ZNF860: variants seen among roughly 807,000 people sequenced by gnomAD.
The protein encoded by ZNF860 is zinc finger protein 860.
For synonymous variants in ZNF860, 206 were observed against 248.9 expected, an observed-to-expected ratio of 0.83 and a Z score of 1.62; for missense variants, 641 against 759.2, an observed-to-expected ratio of 0.84 and a Z score of 1.83.
the ZNF860 span, among the ~76,000 whole-genome samples, chr3:32,003,786 G>C: frequency 2.0e-5 from 3 of 152,146 alleles, no homozygotes; most frequent in Middle Eastern, 3.2e-3. Flanking sequence ...ACCTCTCTCT[G>C]AGAGCTGCCA....
rs182953156 is a variant in ZNF860, at chr3:31,989,188, G to C, written c.109G>C (p.Glu37Gln). Residue 37 changes from glutamate to glutamine, a missense_variant, in exon 2 of 2, where the codon GAG becomes CAG. Transcript: ENST00000360311. ...RDVAIEFSLE[E>Q]WKCLDPTQRA... The stretch of plus-strand genomic sequence containing the variant: ...TGTGGCTATAGAATTCTCTTTGGAG[G>C]AGTGGAAATGCCTGGACCCTACGCA... The C allele has an allele frequency of 7.4e-4, 1,202 of 1,614,170 alleles. 10 individuals carry two copies. Among genetic ancestry groups the C allele is most frequent in the Non-Finnish European group, 4.0e-4 (468 of 1,180,030 alleles).
the ZNF860 span, among the ~76,000 whole-genome samples, chr3:32,003,033 C>A: frequency 3.3e-5 from 5 of 152,184 alleles, no homozygotes; most frequent in Admixed American, 3.3e-4. Context: ...CTGGGAAAAG[C>A]AGAAGCTGGC....
chr3:31,996,360 C>T (rs976188), downstream of ZNF860, among the ~76,000 whole-genome samples: 4 of 152,142 alleles, frequency 2.6e-5, no homozygotes, highest in East Asian at 7.7e-4. Flanking sequence ...AACTCTCCCC[C>T]CCGTGCAAGG....
chr3:32,000,240 G>A, the ZNF860 span, among the ~76,000 whole-genome samples: 7 of 152,122 alleles, frequency 4.6e-5, no homozygotes, highest in South Asian at 2.1e-4. Context: ...TCATGCTGAC[G>A]TGACAGAATG....
chr3:31,995,899 T>C (rs753501854), downstream of ZNF860, among the ~76,000 whole-genome samples: 1 of 152,152 alleles, frequency 6.6e-6, no homozygotes, highest in Non-Finnish European at 1.5e-5. Flanking sequence ...CCGCTGTTAA[T>C]AACCATCCAT....
chr3:32,003,891 CGGGCTAATACTAA>C, the ZNF860 span, among the ~76,000 whole-genome samples: 2 of 152,096 alleles, frequency 1.3e-5, no homozygotes, highest in South Asian at 4.1e-4. Context: ...TTCTAGAACA[CGGGCTAATACTAA>C]GGGCTCTTTT....
chr3:31,994,165 T>C (rs1699064402), downstream of ZNF860, among the ~76,000 whole-genome samples: 1 of 152,198 alleles, frequency 6.6e-6, no homozygotes, highest in Admixed American at 6.5e-5. Context: ...AATGACATTC[T>C]GGAAAAGGCA....
the ZNF860 span, among the ~76,000 whole-genome samples, chr3:32,000,996 C>T: frequency 6.6e-6 from 1 of 152,280 alleles, no homozygotes; most frequent in South Asian, 2.1e-4. Flanking sequence ...GAGCTGTTAG[C>T]AGCCATGTTC....
chr3:31,988,642 C>T lies in ZNF860; in HGVS notation c.-420-18C>T, dbSNP rs1698977980. On this transcript the variant is annotated intron_variant, in intron 1 of 1. Transcript: ENST00000360311. The stretch of plus-strand genomic sequence containing the variant: ...TCTCTTTCTCTCTCCCCCTGTCTTT[C>T]TCTCTCTCTATCATCAGTCACTCTA... 5.5e-6 allele frequency: 1 copy of T among 182,426 alleles called. No individual in the cohort carries two copies. Among genetic ancestry groups the T allele is most frequent in the Non-Finnish European group, 1.2e-5 (1 of 86,092 alleles). The allele number at this position is 182,426 out of a possible 1,614,324, so 11.3% of individuals were successfully genotyped here.
rs768716182 is a variant in ZNF860, at chr3:31,989,131, G to C, written c.52G>C (p.Ala18Pro). 2 of 1,614,130 alleles carry C rather than the reference G, an allele frequency of 1.2e-6. No individual in the cohort carries two copies. The highest frequency in any genetic ancestry group is 1.7e-6 in the Non-Finnish European group (2 of 1,180,024). The stretch of plus-strand genomic sequence containing the variant: ...GAGGAAAGAAAAGGAGCCAGGCATG[G>C]CTCTTCCTCAGGGACACTTGACTTT... Reference protein sequence around the residue: ...QKRKEKEPGMALPQGHLTFRD... With the variant: ...QKRKEKEPGMPLPQGHLTFRD... Residue 18 changes from alanine (A) to proline (P), a missense_variant, in exon 2 of 2, where the codon GCT becomes CCT. By Grantham distance (27) the Ala-to-Pro change is conservative. Transcript: ENST00000360311.
the ZNF860 span, among the ~76,000 whole-genome samples, chr3:32,004,663 T>C: frequency 6.6e-6 from 1 of 152,144 alleles, no homozygotes; most frequent in Non-Finnish European, 1.5e-5. Flanking sequence ...TCAACAAAAC[T>C]ATTGAACACC....
intron 1 of ZNF860, among the ~76,000 whole-genome samples, chr3:31,988,114 G>A (rs1054965186): frequency 1.4e-4 from 21 of 152,128 alleles, no homozygotes; most frequent in East Asian, 3.9e-4. Flanking sequence ...ACCACTGATC[G>A]CTTTGCACCT....
intron 1 of ZNF860, among the ~76,000 whole-genome samples, chr3:31,984,388 A>G (rs1159257461): frequency 1.3e-5 from 2 of 151,498 alleles, no homozygotes; most frequent in Non-Finnish European, 1.5e-5. Context: ...GCAGAGGGCT[A>G]AGGATGGGGA....
chr3:32,004,795 G>T, the ZNF860 span, among the ~76,000 whole-genome samples: 2 of 152,156 alleles, frequency 1.3e-5, no homozygotes, highest in African/African-American at 4.8e-5. Flanking sequence ...CTAAAACAAT[G>T]CAGGCCATGT....
At chr3:31,998,514 C>A in the ZNF860 span, among the ~76,000 whole-genome samples, 7 of 152,184 alleles carry the variant, frequency 4.6e-5, no homozygotes, top group Non-Finnish European at 8.8e-5. Context: ...CTTGGGATTG[C>A]AATGATGGAG....
At chr3:32,000,352 T>A in the ZNF860 span, among the ~76,000 whole-genome samples, 6 of 152,240 alleles carry the variant, frequency 3.9e-5, no homozygotes, top group Non-Finnish European at 8.8e-5. Flanking sequence ...TTCCAAATAG[T>A]GTTTAGGATC....
At chr3:31,999,883 G>A in the ZNF860 span, among the ~76,000 whole-genome samples, 2 of 152,168 alleles carry the variant, frequency 1.3e-5, no homozygotes, top group Middle Eastern at 3.4e-3. Flanking sequence ...CCTGAAAACC[G>A]AACCTTAAAA....
the ZNF860 span, among the ~76,000 whole-genome samples, chr3:32,001,953 T>G: frequency 2.0e-5 from 3 of 152,204 alleles, no homozygotes; most frequent in Non-Finnish European, 4.4e-5. Context: ...AATATCATCT[T>G]CATTTTGAGA....
At position 31,990,327 on chromosome 3, in the gene ZNF860, T is replaced by C. The variant is rs780055040; in HGVS notation, c.1248T>C (p.His416=). 5 of 1,614,012 alleles carry C rather than the reference T, an allele frequency of 3.1e-6. No homozygotes were observed. Among genetic ancestry groups the C allele is most frequent in the Middle Eastern group, 3.3e-4 (2 of 6,082 alleles). Residue 416 remains histidine, a synonymous_variant, in exon 2 of 2, where the codon CAT becomes CAC. Coordinates refer to ENST00000360311, the MANE Select transcript of ZNF860 (RefSeq NM_001137674.3). The part of the protein sequence containing the change: ...VFSNATTIAN[H]WRIHNEERSY... ...GTAATGCTACAACCATTGCAAATCA[T>C]TGGAGAATCCATAATGAAGAGAGAT...
Sources: gnomAD v4.1 joint callset for allele counts (sites outside exome capture counted in the v4.1 genomes callset) on GRCh38, gnomAD v4.1.1 for gene constraint, MANE v1.5 for transcripts, NCBI Gene and HGNC (gene_info 2026-07-23, HGNC 2026-07-21) for gene names.